The following UBAP2 variants were observed in gnomAD, a reference collection of about 807,000 sequenced individuals.
The protein encoded by UBAP2 is ubiquitin-associated protein 2.
A neutral mutation model predicts 139.6 loss-of-function variants in UBAP2; 75 were observed. The observed-to-expected ratio is 0.54, with a 90% CI of 0.45 to 0.65. The LOEUF is 0.65. Ranked by LOEUF, UBAP2 falls within the 30% of genes least tolerant of loss-of-function variation. The probability of loss-of-function intolerance (pLI) is 0.00; values close to 1 mark genes in which losing one functional copy is unlikely to be tolerated. For missense variants in UBAP2, 1,368 were observed against 1,369.6 expected (o/e 1.00, Z 0.02); for synonymous variants, 526 against 526.2 (o/e 1.00, Z 0.01).
rs774766176 is a variant in UBAP2 at position 33,960,813 on chromosome 9, A to G, written c.798+13T>C. On this transcript the variant is annotated intron_variant, in intron 10 of 28. Transcript: ENST00000379238. ...AAAAAAAAGAAAGGTCTCATCTGAC[A>G]GCAAACACTTACATCTTCAGTCCAG... is the stretch of plus-strand genomic sequence containing the variant. 4 of 1,611,438 alleles carry G rather than the reference A, an allele frequency of 2.5e-6. No individual in the cohort carries two copies. The highest frequency in any genetic ancestry group is 3.4e-6 in the Non-Finnish European group (4 of 1,178,814).
chr9:33,924,383 C>T lies in UBAP2; in HGVS notation c.2512-99G>A, dbSNP rs1823239776. 12 of 1,180,388 alleles carry T rather than the reference C, an allele frequency of 1.0e-5. No individual in the cohort carries two copies. The South Asian group carries it at 1.5e-4, about 15-fold the overall frequency. 73.1% of individuals were successfully genotyped at this position (1,180,388 alleles called of 1,614,324 possible). ...AAGTGGTGACGCCACACTCCTGAAA[C>T]AGACTCCATGCCTGAGAGCCAGCAG... On this transcript the variant is annotated intron_variant, in intron 22 of 28. Transcript: ENST00000379238.
intron 2 of UBAP2, among the ~76,000 whole-genome samples, chr9:34,004,608 C>A (rs541274174): frequency 6.6e-6 from 1 of 151,180 alleles, no homozygotes; most frequent in Admixed American, 6.6e-5. Context: ...CGGTGAAACC[C>A]CGTCTCTACT....
At chr9:33,987,508 T>C (rs955288241) in intron 5 of UBAP2, among the ~76,000 whole-genome samples, 1 of 152,150 alleles carries the variant, frequency 6.6e-6, no homozygotes, top group Admixed American at 6.6e-5. Context: ...CTCAGGAGGC[T>C]GAGGTGGGAG....
rs765126368 is a variant in UBAP2, at chr9:33,996,211, A to G, written c.288+12T>C. On this transcript the variant is annotated intron_variant, in intron 4 of 28. Coordinates refer to ENST00000379238, the MANE Select transcript of UBAP2 (RefSeq NM_001370062.2). ...CAAATGTAAACAATGCAAATCAATT[A>G]ATAATACTTACTGTGTCTGAATTCC... 11 of 1,583,914 alleles carry G rather than the reference A, an allele frequency of 6.9e-6. No individual in the cohort carries two copies. The highest frequency in any genetic ancestry group is 3.3e-4 in the Middle Eastern group (2 of 6,024).
intron 1 of UBAP2, among the ~76,000 whole-genome samples, chr9:34,023,219 CAA>C (rs773859149): frequency 2.5e-4 from 24 of 95,218 alleles, no homozygotes; most frequent in Non-Finnish European, 2.5e-4. Flanking sequence ...AAGACTGTCT[CAA>C]AAAAAAAAAA....
chr9:34,016,362 GGCA>G (rs201650799), intron 2 of UBAP2, among the ~76,000 whole-genome samples: 41,243 of 87,082 alleles, frequency 0.47, 8,750 homozygotes, highest in East Asian at 0.63. Context: ...CAGCAGCGGC[GGCA>G]GCGGCGGTGG....
At chr9:33,948,828 C>A in intron 12 of UBAP2, 2 of 430,678 alleles carry the variant, frequency 4.6e-6, no homozygotes, top group Non-Finnish European at 8.3e-6. Context: ...GAAATATTTG[C>A]CATGAATTTG....
chr9:33,922,783 G>A lies in UBAP2; in HGVS notation c.3168C>T (p.Ala1056=), dbSNP rs766016402. ...GSTGPLASGA[A]PGYAPPPFLH... Reference sequence around the variant, plus strand: ...GGAATGGTGGGGGTGCATAGCCAGGGGCCGCTCCCGAGGCCAGGGGCCCAG... The same window carrying A: ...GGAATGGTGGGGGTGCATAGCCAGGAGCCGCTCCCGAGGCCAGGGGCCCAG... The change falls in exon 28 of 29, where the codon GCC becomes GCT. Residue 1056 remains alanine (A), a synonymous_variant. Coordinates refer to ENST00000379238, the MANE Select transcript of UBAP2 (RefSeq NM_001370062.2). 1.2e-5 allele frequency: 18 copies of A among 1,560,856 alleles called. 1 individual carries two copies. The South Asian group carries it at 1.6e-4, about 14-fold the overall frequency.
intron 1 of UBAP2, among the ~76,000 whole-genome samples, chr9:34,033,520 A>G (rs1461916918): frequency 1.3e-5 from 2 of 152,086 alleles, no homozygotes; most frequent in South Asian, 2.1e-4. Flanking sequence ...TACAAAAATA[A>G]TAAGACCCAC....
At chr9:33,969,489 C>T (rs1399492972) in intron 8 of UBAP2, among the ~76,000 whole-genome samples, 1 of 151,244 alleles carries the variant, frequency 6.6e-6, no homozygotes, top group African/African-American at 2.4e-5. Context: ...TTCAAGGCTA[C>T]AGTGAGCTAT....
chr9:34,034,454 C>T (rs1826153609), intron 1 of UBAP2, among the ~76,000 whole-genome samples: 1 of 152,154 alleles, frequency 6.6e-6, no homozygotes, highest in Non-Finnish European at 1.5e-5. Context: ...AAAGTCATGC[C>T]ATCCATTTAA....
intron 8 of UBAP2, chr9:33,968,005 A>G: frequency 2.9e-6 from 1 of 347,226 alleles, no homozygotes. Flanking sequence ...GTGGATTGGT[A>G]CAGCCTTTAA....
intron 17 of UBAP2, chr9:33,934,079 C>G (rs1465027158): frequency 5.9e-6 from 1 of 169,184 alleles, no homozygotes; most frequent in Non-Finnish European, 1.3e-5. Context: ...GTCAGGCTGA[C>G]TCTACCAATG....
At chr9:33,999,606 A>C (rs1341684791) in intron 2 of UBAP2, among the ~76,000 whole-genome samples, 1 of 152,222 alleles carries the variant, frequency 6.6e-6, no homozygotes, top group Non-Finnish European at 1.5e-5. Flanking sequence ...TATGTTGCCC[A>C]GGCTGGTCTT....
chr9:33,972,854 A>C (rs1024609073), intron 7 of UBAP2, among the ~76,000 whole-genome samples: 2 of 152,200 alleles, frequency 1.3e-5, no homozygotes, highest in Non-Finnish European at 2.9e-5. Context: ...ATTTTGTCAC[A>C]ACTTCAGGCG....
intron 1 of UBAP2, among the ~76,000 whole-genome samples, chr9:34,035,514 A>AAATATATATATATATATATATAT: frequency 2.2e-4 from 5 of 22,474 alleles, no homozygotes; most frequent in Non-Finnish European, 3.9e-4. Context: ...AAAAAAAAAA[A>AAATATATATATATATATATATAT]ATATATATAT....
At chr9:34,019,440 C>A (rs902492213) in intron 1 of UBAP2, among the ~76,000 whole-genome samples, 3 of 151,982 alleles carry the variant, frequency 2.0e-5, no homozygotes, top group Admixed American at 6.6e-5. Flanking sequence ...CTACATGACT[C>A]TACTTATACA....
chr9:33,996,119 C>T, intron 4 of UBAP2, 104 bp downstream of exon 4: 1 of 766,040 alleles, frequency 1.3e-6, no homozygotes, highest in Non-Finnish European at 2.1e-6. Flanking sequence ...TATGGAATGG[C>T]ACCATAATCC....
intron 1 of UBAP2, among the ~76,000 whole-genome samples, chr9:34,044,124 G>A (rs1276604131): frequency 2.0e-5 from 3 of 146,730 alleles, no homozygotes; most frequent in Admixed American, 6.9e-5. Flanking sequence ...TTAGCCGGGC[G>A]CGGTGACTCA....
Sources: allele counts gnomAD v4.1 joint callset (sites outside exome capture counted in the v4.1 genomes callset), GRCh38; gene constraint gnomAD v4.1.1; transcripts MANE v1.5; gene names NCBI Gene and HGNC (gene_info 2026-07-23, HGNC 2026-07-21).